Variants in DISP1 observed in about 807,000 individuals in gnomAD.
The protein encoded by DISP1 is dispatched RND transporter family member 1, also known as protein dispatched homolog 1.
In DISP1, 30 loss-of-function variants were observed where a neutral mutation model predicts 37.3. That is an observed-to-expected ratio of 0.80 (90% CI 0.60 to 1.09). DISP1 has a LOEUF of 1.09. DISP1 is among the 50% of genes least tolerant of loss of function. The pLI is 0.00. For synonymous variants in DISP1, 634 were observed against 690.2 expected, an observed-to-expected ratio of 0.92 and a Z score of 1.28; for missense variants, 1,598 against 1,879.5, an observed-to-expected ratio of 0.85 and a Z score of 2.77.
chr1:222,956,756 T>C (rs1675629203), intron 3 of DISP1, among the ~76,000 whole-genome samples: 4 of 152,186 alleles, frequency 2.6e-5, no homozygotes. Context: ...TATTCCATGC[T>C]CTTAAGTTAG....
chr1:222,996,310 G>A (rs922132567), intron 8 of DISP1, among the ~76,000 whole-genome samples: 66 of 152,260 alleles, frequency 4.3e-4, no homozygotes, highest in Non-Finnish European at 8.4e-4. Context: ...AATGTGTAGC[G>A]AAATTTACTA....
intron 3 of DISP1, among the ~76,000 whole-genome samples, chr1:222,955,835 G>A (rs1333849941): frequency 1.3e-5 from 2 of 152,102 alleles, no homozygotes; most frequent in African/African-American, 2.4e-5. Flanking sequence ...TTGTTCATTT[G>A]TATTTTTTTG....
intron 1 of DISP1, among the ~76,000 whole-genome samples, chr1:222,906,911 T>C (rs1390258019): frequency 6.6e-6 from 1 of 152,220 alleles, no homozygotes; most frequent in East Asian, 1.9e-4. Flanking sequence ...TCTGGATCAG[T>C]ACCCCTTTGA....
At chr1:222,832,796 T>C (rs2125243789) in intron 1 of DISP1, among the ~76,000 whole-genome samples, 1 of 152,250 alleles carries the variant, frequency 6.6e-6, no homozygotes, top group South Asian at 2.1e-4. Context: ...CTTGGGAGGC[T>C]GAGACATGAG....
In DISP1 at chr1:222,880,534, C is replaced by T. The variant is rs575033711; in HGVS notation, c.-158-47896C>T. On this transcript the variant is annotated intron_variant, in intron 1 of 8. Transcript: ENST00000675850. ...ATGACATAAAAATAAAATAAAATCC[C>T]TTCTACAATGACCTTTCAATGCTAG... Among the ~76,000 whole-genome samples the T allele has an allele frequency of 2.6e-5, 4 of 152,238 alleles. No individual in the cohort carries two copies. The East Asian group carries it at 7.7e-4, about 29-fold the overall frequency.
intron 3 of DISP1, among the ~76,000 whole-genome samples, chr1:222,967,386 G>A (rs958918536): frequency 1.3e-5 from 2 of 152,104 alleles, no homozygotes; most frequent in African/African-American, 4.8e-5. Flanking sequence ...TTAGTGTGGA[G>A]AAGAGATGAC....
At chr1:222,901,990 A>G (rs966311917) in intron 1 of DISP1, among the ~76,000 whole-genome samples, 6 of 152,132 alleles carry the variant, frequency 3.9e-5, no homozygotes, top group African/African-American at 1.4e-4. Context: ...TTTCTGTGGG[A>G]TCGGTGGTGA....
chr1:222,857,349 C>G (rs955748982), intron 1 of DISP1, among the ~76,000 whole-genome samples: 3 of 152,106 alleles, frequency 2.0e-5, no homozygotes, highest in Admixed American at 6.6e-5. Context: ...AAGTTGGAAG[C>G]ATTCCCCTTG....
chr1:222,990,300 T>C (rs550436173), intron 4 of DISP1, among the ~76,000 whole-genome samples: 1 of 152,356 alleles, frequency 6.6e-6, no homozygotes, highest in South Asian at 2.1e-4. Flanking sequence ...TATATCTCTT[T>C]ACAGGCATAG....
rs559920501 is a variant in DISP1 at position 222,983,706 on chromosome 1, A to G, written c.539+597A>G. On this transcript the variant is annotated intron_variant, in intron 4 of 8. Coordinates refer to ENST00000675850, the MANE Select transcript of DISP1 (RefSeq NM_001377229.1). ...ACGGATTGGCTTACTTAGTGAGGAA[A>G]GAGATACTGTTCTGCCAACTACCAT... Among the ~76,000 whole-genome samples the G allele has an allele frequency of 2.6e-5, 4 of 152,314 alleles. No homozygotes were observed. In the South Asian group the frequency reaches 8.3e-4, roughly 32 times the overall value.
intron 3 of DISP1, among the ~76,000 whole-genome samples, chr1:222,956,512 GT>G (rs1282843143): frequency 2.6e-5 from 4 of 151,862 alleles, no homozygotes; most frequent in African/African-American, 4.8e-5. Flanking sequence ...TGGTTGGTTG[GT>G]TTTTTTCATT....
intron 2 of DISP1, among the ~76,000 whole-genome samples, chr1:222,934,440 C>A (rs1196130552): frequency 6.6e-6 from 1 of 152,088 alleles, no homozygotes; most frequent in Non-Finnish European, 1.5e-5. Flanking sequence ...CGTAGCCCCA[C>A]TATAGTTCTT....
intron 3 of DISP1, among the ~76,000 whole-genome samples, chr1:222,943,844 C>T (rs943078337): frequency 6.6e-6 from 1 of 152,110 alleles, no homozygotes; most frequent in Non-Finnish European, 1.5e-5. Flanking sequence ...GCCTGACGAA[C>T]ATGGACAAAC....
intron 3 of DISP1, among the ~76,000 whole-genome samples, chr1:222,952,849 A>AAAAC (rs370273414): frequency 0.018 from 2,780 of 151,890 alleles, 79 homozygotes; most frequent in African/African-American, 0.064. Context: ...GTCTAAAAAC[A>AAAAC]AAACAAACAA....
At chr1:222,830,812 T>A (rs1263330085) in intron 1 of DISP1, among the ~76,000 whole-genome samples, 1 of 152,220 alleles carries the variant, frequency 6.6e-6, no homozygotes. Flanking sequence ...ATTTATTTTA[T>A]AAAATCAATT....
chr1:222,884,765 C>T (rs1036005459), intron 1 of DISP1, among the ~76,000 whole-genome samples: 4 of 152,146 alleles, frequency 2.6e-5, no homozygotes, highest in Admixed American at 1.3e-4. Context: ...ATCTTTTGCT[C>T]ACTGATTTTA....
intron 2 of DISP1, among the ~76,000 whole-genome samples, chr1:222,936,589 A>AGATATATATATCTCTCATATATAT (rs1673752062): frequency 6.4e-5 from 1 of 15,680 alleles, no homozygotes; most frequent in Non-Finnish European, 1.3e-4. Flanking sequence ...CATATATATG[A>AGATATATATATCTCTCATATATAT]GAGATATATA....
At chr1:222,925,849 C>T (rs1162009231) in intron 1 of DISP1, among the ~76,000 whole-genome samples, 1 of 152,140 alleles carries the variant, frequency 6.6e-6, no homozygotes, top group African/African-American at 2.4e-5. Flanking sequence ...TCCAGGGAAT[C>T]CTCATGCACA....
At chr1:222,937,704 G>A (rs1343920819) in intron 2 of DISP1, among the ~76,000 whole-genome samples, 1 of 151,428 alleles carries the variant, frequency 6.6e-6, no homozygotes, top group Admixed American at 6.6e-5. Context: ...TGTTGATATT[G>A]GCATGTTATA....
Sources: allele counts gnomAD v4.1 joint callset (sites outside exome capture counted in the v4.1 genomes callset), GRCh38; gene constraint gnomAD v4.1.1; transcripts MANE v1.5; gene names NCBI Gene and HGNC (gene_info 2026-07-23, HGNC 2026-07-21).